CPNE4: variants seen among roughly 807,000 people sequenced by gnomAD.
The protein encoded by CPNE4 is copine-4.
In CPNE4, 25 loss-of-function variants were observed where a neutral mutation model predicts 67.9. The observed-to-expected ratio is 0.37, with a 90% CI of 0.27 to 0.51. The LOEUF (loss-of-function observed/expected upper bound fraction) is 0.51, where lower values mean the gene tolerates loss of function less well. CPNE4 is among the 20% of genes least tolerant of loss of function. The probability of loss-of-function intolerance (pLI) is 0.93; values close to 1 mark genes in which losing one functional copy is unlikely to be tolerated. For synonymous variants in CPNE4, 242 were observed against 244.9 expected (o/e 0.99, Z 0.11); for missense variants, 464 against 690.8 (o/e 0.67, Z 3.68).
chr3:131,950,475 T>C (rs1193327865), intron 1 of CPNE4, among the ~76,000 whole-genome samples: 1 of 152,046 alleles, frequency 6.6e-6, no homozygotes, highest in Non-Finnish European at 1.5e-5. Context: ...GTTTAAAGTA[T>C]GAAAAATGGG....
At chr3:132,011,656 TGA>T (rs921886131) in intron 1 of CPNE4, among the ~76,000 whole-genome samples, 28 of 152,348 alleles carry the variant, frequency 1.8e-4, no homozygotes, top group African/African-American at 6.7e-4. Flanking sequence ...AGAATAGCTA[TGA>T]GAGAATAGGG....
upstream of CPNE4, among the ~76,000 whole-genome samples, chr3:132,037,267 A>T (rs1029271414): frequency 7.1e-6 from 1 of 140,978 alleles, no homozygotes; most frequent in Non-Finnish European, 1.5e-5. Context: ...AGAAACAAAC[A>T]GTTGCCTGCA....
intron 2 of CPNE4, among the ~76,000 whole-genome samples, chr3:131,794,241 C>CTTTTT (rs560693108): frequency 7.0e-6 from 1 of 142,034 alleles, no homozygotes; most frequent in African/African-American, 2.6e-5. Context: ...TTGGAAACAA[C>CTTTTT]TTTTTTTTTT....
intron 5 of CPNE4, among the ~76,000 whole-genome samples, chr3:131,687,743 A>C (rs2080928862): frequency 6.6e-6 from 1 of 152,200 alleles, no homozygotes; most frequent in Non-Finnish European, 1.5e-5. Context: ...GTTAAGATAT[A>C]AGGACAGATA....
intron 1 of CPNE4, among the ~76,000 whole-genome samples, chr3:131,971,994 C>G (rs1310239652): frequency 2.0e-5 from 3 of 152,090 alleles, no homozygotes; most frequent in Non-Finnish European, 4.4e-5. Context: ...ACAGAAAGAA[C>G]TGTTGGATGA....
At chr3:131,717,694 G>A (rs1296184800) in intron 3 of CPNE4, among the ~76,000 whole-genome samples, 1 of 152,102 alleles carries the variant, frequency 6.6e-6, no homozygotes, top group Non-Finnish European at 1.5e-5. Context: ...TTCTGCTCTT[G>A]GACAGGCTCT....
chr3:131,719,839 C>T (rs780678640), intron 3 of CPNE4, among the ~76,000 whole-genome samples: 14 of 152,156 alleles, frequency 9.2e-5, no homozygotes, highest in East Asian at 1.9e-4. Flanking sequence ...TTTCTTCATG[C>T]GTGTCTCTTG....
intron 7 of CPNE4, among the ~76,000 whole-genome samples, chr3:131,615,934 CACACACACACACACACA>C (rs1940131109): frequency 1.5e-5 from 2 of 132,132 alleles, no homozygotes; most frequent in African/African-American, 5.6e-5. Flanking sequence ...CACACGCACA[CACACACACACACACACA>C]AAAGAACATT....
intron 15 of CPNE4, chr3:131,537,625 CT>C: frequency 3.3e-6 from 1 of 306,024 alleles, no homozygotes; most frequent in Non-Finnish European, 6.5e-6. Flanking sequence ...GGTTTAATCC[CT>C]TTGCCATTGT....
At chr3:131,552,587 G>T in intron 12 of CPNE4, 96 bp from the exon 13 acceptor site, 2 of 913,032 alleles carry the variant, frequency 2.2e-6, no homozygotes, top group Non-Finnish European at 3.5e-6. Context: ...GCAAACAAAT[G>T]CCCATTATAT....
chr3:131,848,305 A>T (rs2086083197), intron 2 of CPNE4, among the ~76,000 whole-genome samples: 3 of 152,258 alleles, frequency 2.0e-5, no homozygotes, highest in Admixed American at 2.0e-4. Flanking sequence ...ATTCTAAAAC[A>T]TCCTCTTTGT....
At chr3:131,822,002 G>T (rs1343324168) in intron 2 of CPNE4, among the ~76,000 whole-genome samples, 1 of 152,112 alleles carries the variant, frequency 6.6e-6, no homozygotes, top group Non-Finnish European at 1.5e-5. Context: ...AGAAGGAATT[G>T]GTAAACACTT....
chr3:131,834,674 A>T (rs149379996), intron 2 of CPNE4, among the ~76,000 whole-genome samples: 1 of 152,202 alleles, frequency 6.6e-6, no homozygotes, highest in Non-Finnish European at 1.5e-5. Flanking sequence ...ACATAAAACT[A>T]AAGTCTTAAC....
At chr3:131,652,597 T>A (rs911571976) in intron 7 of CPNE4, among the ~76,000 whole-genome samples, 2 of 152,054 alleles carry the variant, frequency 1.3e-5, no homozygotes, top group African/African-American at 2.4e-5. Context: ...AAAGCCAATT[T>A]AAAAAAAATA....
chr3:131,606,526 C>T (rs1939516304), intron 7 of CPNE4, among the ~76,000 whole-genome samples: 1 of 152,128 alleles, frequency 6.6e-6, no homozygotes, highest in South Asian at 2.1e-4. Flanking sequence ...GGTTCTGGAC[C>T]CTCCGTTTTA....
chr3:131,716,224 C>T lies in CPNE4; in HGVS notation c.360+7222G>A, dbSNP rs147604401. ...ATGTGGCAAACTCAGCCAGACAGAG[C>T]GAGTACTACAGCAGCCTTCAGGAGG... On this transcript the variant is annotated intron_variant, in intron 3 of 15. Coordinates refer to ENST00000429747, the MANE Select transcript of CPNE4 (RefSeq NM_130808.3). 2.0e-3 allele frequency among the ~76,000 whole-genome samples: 289 copies of T among 147,282 alleles called. 1 individual carries two copies. The highest frequency in any genetic ancestry group is 0.017 in the Middle Eastern group (5 of 288).
intron 7 of CPNE4, among the ~76,000 whole-genome samples, chr3:131,617,177 C>T (rs1252507282): frequency 6.6e-6 from 1 of 152,120 alleles, no homozygotes; most frequent in Non-Finnish European, 1.5e-5. Flanking sequence ...GGAGATCATT[C>T]CACTCTTACC....
At chr3:131,838,648 CTA>C (rs1008770855) in intron 2 of CPNE4, among the ~76,000 whole-genome samples, 5 of 151,400 alleles carry the variant, frequency 3.3e-5, no homozygotes, top group African/African-American at 4.8e-5. Flanking sequence ...AGAGAAAAAC[CTA>C]TATAAGAATC....
At chr3:131,805,117 C>T (rs1178035107) in intron 2 of CPNE4, among the ~76,000 whole-genome samples, 3 of 152,294 alleles carry the variant, frequency 2.0e-5, no homozygotes, top group East Asian at 3.9e-4. Context: ...TGTGATTTTT[C>T]TCTCCTCATT....
Sources: gnomAD v4.1 joint callset for allele counts (sites outside exome capture counted in the v4.1 genomes callset) on GRCh38, gnomAD v4.1.1 for gene constraint, MANE v1.5 for transcripts, NCBI Gene and HGNC (gene_info 2026-07-23, HGNC 2026-07-21) for gene names.